The following PTPRN2 variants were observed in gnomAD, a reference collection of about 807,000 sequenced individuals.
PTPRN2 encodes the protein protein tyrosine phosphatase receptor type N2, also known as receptor-type tyrosine-protein phosphatase N2.
Under a neutral mutation model 118.8 loss-of-function variants are expected in PTPRN2, and 74 were observed. The observed-to-expected ratio is 0.62, with a 90% CI of 0.52 to 0.76. The LOEUF is 0.76. Among genes scored for constraint, PTPRN2 ranks in the 30% least tolerant of loss-of-function variants. PTPRN2 has a pLI of 0.00. For synonymous variants in PTPRN2, 641 were observed against 608.0 expected (o/e 1.05, Z -0.80); for missense variants, 1,481 against 1,394.4 (o/e 1.06, Z -0.99).
At chr7:158,314,526 C>A (rs1466932881) in intron 3 of PTPRN2, among the ~76,000 whole-genome samples, 1 of 152,286 alleles carries the variant, frequency 6.6e-6, no homozygotes, top group Non-Finnish European at 1.5e-5. Flanking sequence ...GCGCACAGCA[C>A]CCCATCGCCA....
chr7:158,472,878 G>A (rs766649887), intron 2 of PTPRN2, among the ~76,000 whole-genome samples: 5 of 152,148 alleles, frequency 3.3e-5, no homozygotes, highest in Non-Finnish European at 5.9e-5. Flanking sequence ...GCGGCGGGGC[G>A]GGGGCCTTAC....
At chr7:157,966,360 ACATCTTCATCACCATCATTACCAT>A (rs1563281163) in intron 11 of PTPRN2, among the ~76,000 whole-genome samples, 5 of 150,382 alleles carry the variant, frequency 3.3e-5, no homozygotes, top group Non-Finnish European at 5.9e-5. Context: ...TTCATTATCA[ACATCTTCATCACCATCATTACCAT>A]CATCTTCATC....
intron 2 of PTPRN2, among the ~76,000 whole-genome samples, chr7:158,362,704 A>G (rs898998479): frequency 1.0e-3 from 21 of 20,850 alleles, no homozygotes; most frequent in Non-Finnish European, 2.4e-3. Context: ...GTCCATCACA[A>G]CCACGCTCAT....
chr7:157,950,255 C>A (rs1167390737), intron 11 of PTPRN2, among the ~76,000 whole-genome samples: 1 of 152,178 alleles, frequency 6.6e-6, no homozygotes, highest in Non-Finnish European at 1.5e-5. Flanking sequence ...CTTGAAAATT[C>A]CAAACCTAGC....
intron 2 of PTPRN2, among the ~76,000 whole-genome samples, chr7:158,335,982 G>T (rs2151189575): frequency 1.3e-4 from 1 of 7,496 alleles, no homozygotes; most frequent in Non-Finnish European, 2.6e-4. Flanking sequence ...CTCACCATAA[G>T]AGGTGACACC....
intron 12 of PTPRN2, among the ~76,000 whole-genome samples, chr7:157,850,317 A>AATTTCC (rs1358242604): frequency 1.1e-4 from 9 of 81,794 alleles, no homozygotes; most frequent in East Asian, 1.0e-3. Flanking sequence ...CAGGTCTCCG[A>AATTTCC]ATTTCCGACG....
In PTPRN2 at chr7:157,727,778, C is replaced by T. The variant is rs150231457; in HGVS notation, c.1789-44841G>A. Among the ~76,000 whole-genome samples, 486 of 152,300 alleles carry T rather than the reference C, an allele frequency of 3.2e-3. 6 individuals are homozygous for T. Among genetic ancestry groups the T allele is most frequent in the African/African-American group, 0.011 (448 of 41,550 alleles). ...GTCACGTAAAGTGTGAGGCGTGAGC[C>T]GTGAGCAGTGATTGAGCCCAGACCC... is the stretch of plus-strand genomic sequence containing the variant. On this transcript the variant is annotated intron_variant, in intron 12 of 22. Coordinates refer to ENST00000389418, the MANE Select transcript of PTPRN2 (RefSeq NM_002847.5).
At chr7:158,153,499 C>A (rs1036778466) in intron 6 of PTPRN2, among the ~76,000 whole-genome samples, 2 of 152,150 alleles carry the variant, frequency 1.3e-5, no homozygotes, top group Non-Finnish European at 2.9e-5. Flanking sequence ...GGTCTGAGCC[C>A]ACAGCCCACC....
Position 158,252,368 on chromosome 7 carries a change from C to T in PTPRN2, c.278-47095G>A, listed in dbSNP as rs113313970. ...CAGGGTGGTGAGTGGTGTCACCGTT[C>T]GGATGGCTCAGATGAAGGCGGCCAA... On this transcript the variant is annotated intron_variant, in intron 3 of 22. Transcript: ENST00000389418. Among the ~76,000 whole-genome samples, 391 of 152,240 alleles carry T rather than the reference C, an allele frequency of 2.6e-3. 5 individuals carry two copies. Among genetic ancestry groups the T allele is most frequent in the African/African-American group, 9.0e-3 (375 of 41,548 alleles).
At chr7:158,090,565 T>C (rs181708677) in intron 10 of PTPRN2, among the ~76,000 whole-genome samples, 5 of 152,354 alleles carry the variant, frequency 3.3e-5, no homozygotes, top group Admixed American at 2.6e-4. Flanking sequence ...ATATTGATAA[T>C]TGCTCATTTC....
chr7:158,100,350 T>C (rs184136045), intron 10 of PTPRN2, among the ~76,000 whole-genome samples: 113 of 152,220 alleles, frequency 7.4e-4, no homozygotes, highest in African/African-American at 2.6e-3. Flanking sequence ...AATTGCAAAT[T>C]GTGCTGCTAT....
intron 13 of PTPRN2, among the ~76,000 whole-genome samples, chr7:157,664,190 G>A (rs990977365): frequency 9.2e-5 from 14 of 152,226 alleles, no homozygotes; most frequent in African/African-American, 2.4e-4. Context: ...TCGCATCCAC[G>A]GTGCTGAACG....
chr7:157,939,633 A>G (rs140578223), intron 11 of PTPRN2, among the ~76,000 whole-genome samples: 1 of 152,278 alleles, frequency 6.6e-6, no homozygotes, highest in African/African-American at 2.4e-5. Context: ...CCTCAACCCC[A>G]TCGTCCAGTG....
intron 2 of PTPRN2, among the ~76,000 whole-genome samples, chr7:158,445,705 A>G (rs987258503): frequency 6.6e-6 from 1 of 152,230 alleles, no homozygotes; most frequent in South Asian, 2.1e-4. Flanking sequence ...CTTGGGGTCT[A>G]TGCTGCCTGG....
At chr7:157,760,941 T>C (rs112612331) in intron 12 of PTPRN2, among the ~76,000 whole-genome samples, 157 of 152,228 alleles carry the variant, frequency 1.0e-3, no homozygotes, top group African/African-American at 3.6e-3. Flanking sequence ...CCAAGCATTC[T>C]TATACACCAA....
chr7:157,935,968 A>G (rs1799673632), intron 11 of PTPRN2, among the ~76,000 whole-genome samples: 2 of 139,004 alleles, frequency 1.4e-5, no homozygotes, highest in Admixed American at 7.2e-5. Context: ...AGCCATCCTC[A>G]GCATCTGTGT....
chr7:158,144,066 T>C (rs1335338616), intron 6 of PTPRN2, among the ~76,000 whole-genome samples: 1 of 152,150 alleles, frequency 6.6e-6, no homozygotes, highest in Non-Finnish European at 1.5e-5. Context: ...CATTAACCGT[T>C]CTTCTGCAAG....
At position 157,881,495 on chromosome 7, in the gene PTPRN2, T is replaced by C. The variant is rs561692588; in HGVS notation, c.1788+17178A>G. 1.3e-5 allele frequency among the ~76,000 whole-genome samples: 2 copies of C among 152,116 alleles called. No homozygotes were observed. The highest frequency in any genetic ancestry group is 3.9e-4 in the East Asian group (2 of 5,164). ...CCACCAGGATTGTGAGCAATAAAGGTTTGTGACTGAAGCCCCCCACTCTGC... is the reference window on the plus strand; with the variant it reads ...CCACCAGGATTGTGAGCAATAAAGGCTTGTGACTGAAGCCCCCCACTCTGC... On this transcript the variant is annotated intron_variant, in intron 12 of 22. Coordinates refer to ENST00000389418, the MANE Select transcript of PTPRN2 (RefSeq NM_002847.5). This position sits in a 1 kb window ranked among gnomAD's most constrained non-coding sequence, Gnocchi z 4.7.
In PTPRN2 at chr7:158,001,709, G is replaced by A. The variant is rs920089088; in HGVS notation, c.1723+79589C>T. 4.6e-5 allele frequency among the ~76,000 whole-genome samples: 7 copies of A among 152,178 alleles called. No homozygotes were observed. In the South Asian group the frequency reaches 6.2e-4, roughly 13 times the overall value. On this transcript the variant is annotated intron_variant, in intron 11 of 22. Coordinates refer to ENST00000389418, the MANE Select transcript of PTPRN2 (RefSeq NM_002847.5). ...AACTCCCAATCCGTGCTGAGAGCCC[G>A]GCACTGCCTCAGGGAGATTAGCAAA...
Sources: gnomAD v4.1 joint callset for allele counts (sites outside exome capture counted in the v4.1 genomes callset) on GRCh38, gnomAD v4.1.1 for gene constraint, Gnocchi (gnomAD v3.1) non-coding constraint, MANE v1.5 for transcripts, NCBI Gene and HGNC (gene_info 2026-07-23, HGNC 2026-07-21) for gene names.